Variants in FA2H observed in about 807,000 individuals in gnomAD.
FA2H encodes the protein fatty acid 2-hydroxylase, also known as fatty acid alpha-hydroxylase.
A neutral mutation model predicts 44.9 loss-of-function variants in FA2H; 22 were observed. The ratio of observed to expected loss-of-function variants is 0.49; its 90% confidence interval spans 0.35 to 0.70. The LOEUF (loss-of-function observed/expected upper bound fraction) is 0.70. FA2H is among the 30% of genes least tolerant of loss of function. The pLI is 0.01. For missense variants in FA2H, 501 were observed against 504.9 expected (o/e 0.99, Z 0.07); for synonymous variants, 243 against 213.2 (o/e 1.14, Z -1.22).
intron 4 of FA2H, chr16:74,725,938 A>C: frequency 2.4e-6 from 1 of 420,276 alleles, no homozygotes; most frequent in Non-Finnish European, 4.5e-6. Flanking sequence ...TGTGACACTC[A>C]ATGAGAGGCA....
chr16:74,745,741 G>A (rs1022072415), intron 1 of FA2H, among the ~76,000 whole-genome samples: 10 of 151,232 alleles, frequency 6.6e-5, no homozygotes, highest in Admixed American at 1.3e-4. Context: ...ATCACCAGGC[G>A]TTATTTCCTC....
At chr16:74,731,895 CAG>C (rs921703534) in intron 2 of FA2H, among the ~76,000 whole-genome samples, 2 of 152,140 alleles carry the variant, frequency 1.3e-5, no homozygotes, top group Non-Finnish European at 2.9e-5. Context: ...CTTTTTGAGA[CAG>C]GGACTTGCTC....
chr16:74,740,310 C>T (rs1045367945), intron 1 of FA2H, among the ~76,000 whole-genome samples, 195 bp from the exon 2 acceptor site: 1 of 152,060 alleles, frequency 6.6e-6, no homozygotes, highest in African/African-American at 2.4e-5. Context: ...CTGTATTTTA[C>T]ATTTCCCTTA....
At chr16:74,754,824 G>C (rs772609066) in intron 1 of FA2H, among the ~76,000 whole-genome samples, 8 of 151,834 alleles carry the variant, frequency 5.3e-5, no homozygotes, top group Non-Finnish European at 1.0e-4. Flanking sequence ...CACCACCCCT[G>C]GTCAGAAATA....
chr16:74,723,773 A>C (rs200020641), intron 4 of FA2H, among the ~76,000 whole-genome samples: 1 of 152,160 alleles, frequency 6.6e-6, no homozygotes, highest in East Asian at 1.9e-4. Context: ...CTGGCTCAGC[A>C]CCGCCTAGGT....
chr16:74,761,539 G>A (rs1171905525), intron 1 of FA2H, among the ~76,000 whole-genome samples: 1 of 152,054 alleles, frequency 6.6e-6, no homozygotes, highest in Non-Finnish European at 1.5e-5. Context: ...AGCTCTACAG[G>A]GATCATCGTT....
At chr16:74,740,873 C>A (rs1414851129) in intron 1 of FA2H, among the ~76,000 whole-genome samples, 1 of 152,024 alleles carries the variant, frequency 6.6e-6, no homozygotes, top group Admixed American at 6.6e-5. Flanking sequence ...CAGGGCCACA[C>A]TGATGAGTCA....
At chr16:74,748,699 G>C (rs997261319) in intron 1 of FA2H, among the ~76,000 whole-genome samples, 1 of 152,004 alleles carries the variant, frequency 6.6e-6, no homozygotes, top group African/African-American at 2.4e-5. Flanking sequence ...ACAACAGAAA[G>C]TCTGCGCTCT....
chr16:74,749,317 C>G (rs1320296425), intron 1 of FA2H, among the ~76,000 whole-genome samples: 1 of 152,198 alleles, frequency 6.6e-6, no homozygotes, highest in Non-Finnish European at 1.5e-5. Flanking sequence ...GCCTAAGAAA[C>G]CATATCTGGC....
chr16:74,759,007 A>G (rs1034583709), intron 1 of FA2H, among the ~76,000 whole-genome samples: 1 of 152,112 alleles, frequency 6.6e-6, no homozygotes, highest in African/African-American at 2.4e-5. Context: ...TTCATGAGTC[A>G]CCTTGGTCCC....
intron 1 of FA2H, among the ~76,000 whole-genome samples, chr16:74,774,271 G>A (rs555450312): frequency 2.6e-5 from 4 of 152,128 alleles, no homozygotes; most frequent in East Asian, 1.9e-4. Context: ...AGGCGGTAAG[G>A]GTGGAAAGGA....
chr16:74,759,504 T>A (rs1490575846), intron 1 of FA2H, among the ~76,000 whole-genome samples: 1 of 152,234 alleles, frequency 6.6e-6, no homozygotes, highest in African/African-American at 2.4e-5. Flanking sequence ...TTCTTCCCAC[T>A]AAAGACCCTT....
rs748364155 is a variant in FA2H, at chr16:74,719,087, G to A, written c.687C>T (p.Ile229=). The change falls in exon 5 of 7, where the codon ATC becomes ATT. Residue 229 remains isoleucine (I), a synonymous_variant. Coordinates refer to ENST00000219368, the MANE Select transcript of FA2H (RefSeq NM_024306.5). ...ACAGGAAGCGGTGGATGAGGTACTCGATGAGGCTCCAGAGGAATGTCCCCA... is the reference window on the plus strand; with the variant it reads ...ACAGGAAGCGGTGGATGAGGTACTCAATGAGGCTCCAGAGGAATGTCCCCA... ...FMLGTFLWSL[I]EYLIHRFLFH... is the part of the protein sequence containing the mutation. 3.0e-5 allele frequency: 48 copies of A among 1,613,930 alleles called. No individual in the cohort carries two copies. Among genetic ancestry groups the A allele is most frequent in the Middle Eastern group, 1.6e-4 (1 of 6,084 alleles).
At chr16:74,759,577 G>A (rs1962670063) in intron 1 of FA2H, among the ~76,000 whole-genome samples, 1 of 152,210 alleles carries the variant, frequency 6.6e-6, no homozygotes, top group African/African-American at 2.4e-5. Flanking sequence ...TTCTAAACAA[G>A]AGAAACCTAG....
In FA2H at chr16:74,770,374, T is replaced by TTTTG. The variant is rs529994494; in HGVS notation, c.270+4108_270+4111dup. 6.2e-3 allele frequency among the ~76,000 whole-genome samples: 951 copies of TTTTG among 152,190 alleles called. 12 individuals carry two copies. The highest frequency in any genetic ancestry group is 0.022 in the African/African-American group (913 of 41,490). ...CCTTTGACAACCTCTCCCACAAGTTTTTTGTTTGTTTGTTTGTTTTTGAGA... is the reference window on the plus strand; with the variant it reads ...CCTTTGACAACCTCTCCCACAAGTTTTTTGTTTGTTTGTTTGTTTGTTTTTGAGA... On this transcript the variant is annotated intron_variant, in intron 1 of 6. Coordinates refer to ENST00000219368, the MANE Select transcript of FA2H (RefSeq NM_024306.5).
At chr16:74,734,138 C>A (rs1175158974) in intron 2 of FA2H, among the ~76,000 whole-genome samples, 1 of 152,244 alleles carries the variant, frequency 6.6e-6, no homozygotes, top group East Asian at 1.9e-4. Context: ...AGAGGGAAGG[C>A]ATGGGTCTGT....
chr16:74,726,566 T>G (rs1292428596), intron 3 of FA2H, among the ~76,000 whole-genome samples: 4 of 152,136 alleles, frequency 2.6e-5, no homozygotes, highest in African/African-American at 7.2e-5. Flanking sequence ...TTTTGTATTT[T>G]TAGTAGAGAT....
intron 1 of FA2H, among the ~76,000 whole-genome samples, chr16:74,751,183 C>T (rs1273073833): frequency 6.6e-6 from 1 of 152,104 alleles, no homozygotes; most frequent in Non-Finnish European, 1.5e-5. Context: ...CAACCTCTGC[C>T]TCCCGGGTTC....
chr16:74,774,389 C>G lies in FA2H; in HGVS notation c.270+97G>C, dbSNP rs1202506077. 2.4e-6 allele frequency: 3 copies of G among 1,244,434 alleles called. No homozygotes were observed. The South Asian group carries it at 5.1e-5, about 21-fold the overall frequency. The allele number at this position is 1,244,434 out of a possible 1,614,324, so 77.1% of individuals were successfully genotyped here. A position where few individuals can be genotyped will look rare whatever the true frequency, so the allele number is the denominator to read the frequency against. On this transcript the variant is annotated intron_variant, in intron 1 of 6. Coordinates refer to ENST00000219368, the MANE Select transcript of FA2H (RefSeq NM_024306.5). The stretch of plus-strand genomic sequence containing the variant: ...GGGAAGGGAGGGCAGAAGCTGTCAC[C>G]TTGGGTCCTGCTAGAGGGCAAGTGA...
Sources: gnomAD v4.1 joint callset for allele counts (sites outside exome capture counted in the v4.1 genomes callset) on GRCh38, gnomAD v4.1.1 for gene constraint, MANE v1.5 for transcripts, NCBI Gene and HGNC (gene_info 2026-07-23, HGNC 2026-07-21) for gene names.